The following TSHZ2 variants were observed in gnomAD, a reference collection of about 807,000 sequenced individuals.
The protein encoded by TSHZ2 is teashirt zinc finger homeobox 2, also known as teashirt homolog 2.
In TSHZ2, 21 loss-of-function variants were observed where a neutral mutation model predicts 74.4. The observed-to-expected ratio is 0.28, with a 90% CI of 0.20 to 0.41. TSHZ2 has a LOEUF of 0.41. TSHZ2 is among the 10% of genes least tolerant of loss of function. The pLI, the probability that TSHZ2 is intolerant of heterozygous loss-of-function variation, is 1.00. For missense variants in TSHZ2, 1,244 were observed against 1,293.5 expected, an observed-to-expected ratio of 0.96 and a Z score of 0.59; for synonymous variants, 540 against 515.3, an observed-to-expected ratio of 1.05 and a Z score of -0.65.
At chr20:53,369,764 A>T (rs1981401666) in intron 2 of TSHZ2, among the ~76,000 whole-genome samples, 1 of 152,122 alleles carries the variant, frequency 6.6e-6, no homozygotes. Flanking sequence ...TTCAAATATG[A>T]CAAGGAGGCC....
chr20:53,120,848 A>G (rs1033593401), intron 1 of TSHZ2, among the ~76,000 whole-genome samples: 1 of 152,252 alleles, frequency 6.6e-6, no homozygotes, highest in South Asian at 2.1e-4. Flanking sequence ...TAAGTGAAAT[A>G]GATACTTTTC....
intron 1 of TSHZ2, among the ~76,000 whole-genome samples, chr20:53,076,044 C>T (rs1292771284): frequency 6.6e-6 from 1 of 152,174 alleles, no homozygotes; most frequent in Non-Finnish European, 1.5e-5. Flanking sequence ...CCTTTCGACT[C>T]TGAGACCCTA....
At chr20:53,009,943 C>T (rs993104486) in intron 1 of TSHZ2, among the ~76,000 whole-genome samples, 3 of 152,230 alleles carry the variant, frequency 2.0e-5, no homozygotes, top group South Asian at 2.1e-4. Context: ...AATATGGCTT[C>T]GTGGCATCTT....
chr20:53,291,200 G>T (rs887033077), intron 2 of TSHZ2, among the ~76,000 whole-genome samples: 1 of 152,114 alleles, frequency 6.6e-6, no homozygotes, highest in Admixed American at 6.6e-5. Context: ...GGCTGGGAGC[G>T]GTGGCTCACG....
At chr20:52,998,688 C>G (rs141869332) in intron 1 of TSHZ2, among the ~76,000 whole-genome samples, 5 of 152,336 alleles carry the variant, frequency 3.3e-5, no homozygotes, top group African/African-American at 1.2e-4. Context: ...ATCGCCTCTG[C>G]ACACAGTTCC....
chr20:53,346,732 G>A (rs535579071), intron 2 of TSHZ2, among the ~76,000 whole-genome samples: 19 of 152,292 alleles, frequency 1.2e-4, no homozygotes, highest in South Asian at 6.2e-4. Context: ...ACAGAGAAAC[G>A]TCGCAACTGC....
intron 1 of TSHZ2, among the ~76,000 whole-genome samples, chr20:53,222,185 C>T (rs1989579427): frequency 1.3e-5 from 2 of 152,182 alleles, no homozygotes; most frequent in Admixed American, 1.3e-4. Flanking sequence ...GCAGTCCACT[C>T]TACCCCTCCT....
At chr20:53,394,780 ACTGTTCTTC>A (rs1982384259) in intron 2 of TSHZ2, among the ~76,000 whole-genome samples, 13 of 142,748 alleles carry the variant, frequency 9.1e-5, no homozygotes, top group African/African-American at 3.4e-4. Flanking sequence ...AAAAAAAAAA[ACTGTTCTTC>A]AATTGCCTTT....
intron 2 of TSHZ2, among the ~76,000 whole-genome samples, chr20:53,268,485 A>G (rs948631335): frequency 1.3e-5 from 2 of 152,158 alleles, no homozygotes; most frequent in Non-Finnish European, 2.9e-5. Context: ...TGACTTAGAA[A>G]CAGGATTTGA....
chr20:53,020,115 T>C (rs1983186052), intron 1 of TSHZ2, among the ~76,000 whole-genome samples: 1 of 152,046 alleles, frequency 6.6e-6, no homozygotes, highest in South Asian at 2.1e-4. Context: ...GAGAACAGCA[T>C]GGGGGAAACC....
intron 1 of TSHZ2, among the ~76,000 whole-genome samples, chr20:53,114,295 G>T (rs1986611530): frequency 6.6e-6 from 1 of 152,108 alleles, no homozygotes; most frequent in African/African-American, 2.4e-5. Context: ...AATCTCAGAT[G>T]AGTGCTCAGA....
At chr20:53,300,019 C>G (rs1412790765) in intron 2 of TSHZ2, among the ~76,000 whole-genome samples, 1 of 152,188 alleles carries the variant, frequency 6.6e-6, no homozygotes, top group Non-Finnish European at 1.5e-5. Flanking sequence ...CTGCCAGGGA[C>G]TTATTGCTGT....
At chr20:53,045,441 A>T (rs554882767) in intron 1 of TSHZ2, among the ~76,000 whole-genome samples, 1 of 152,336 alleles carries the variant, frequency 6.6e-6, no homozygotes, top group East Asian at 1.9e-4. Context: ...GAATTCCTGG[A>T]TCCTTTTGAG....
chr20:53,153,817 G>T lies in TSHZ2; in HGVS notation c.41-99682G>T, dbSNP rs182988357. ...ACTTATTTAGTCCGTGGTCCTGCAG[G>T]TCAATAATTTTGGCTAGACTCAGCT... On this transcript the variant is annotated intron_variant, in intron 1 of 2. Coordinates refer to ENST00000371497, the MANE Select transcript of TSHZ2 (RefSeq NM_173485.6). 7.9e-5 allele frequency among the ~76,000 whole-genome samples: 12 copies of T among 151,158 alleles called. No individual in the cohort carries two copies. In the East Asian group the frequency reaches 2.1e-3, roughly 27 times the overall value.
At chr20:53,286,972 G>A (rs1037444833) in intron 2 of TSHZ2, among the ~76,000 whole-genome samples, 1 of 151,676 alleles carries the variant, frequency 6.6e-6, no homozygotes, top group Non-Finnish European at 1.5e-5. Context: ...AAGGATGCCA[G>A]ACCAGGACAC....
Position 53,334,417 on chromosome 20 carries a change from C to G in TSHZ2, c.*8+77846C>G, listed in dbSNP as rs114045786. Among the ~76,000 whole-genome samples the G allele has an allele frequency of 3.7e-3, 561 of 152,148 alleles. 4 individuals are homozygous for G. Among genetic ancestry groups the G allele is most frequent in the African/African-American group, 0.013 (532 of 41,502 alleles). On this transcript the variant is annotated intron_variant, in intron 2 of 2. Coordinates refer to ENST00000371497, the MANE Select transcript of TSHZ2 (RefSeq NM_173485.6). The stretch of plus-strand genomic sequence containing the variant: ...TCTAAGTGGGGGAACAGCAAGTGCA[C>G]AGGCCCTGAGGTGGGAGCATGCCTG...
intron 1 of TSHZ2, among the ~76,000 whole-genome samples, chr20:53,245,634 A>T (rs566597296): frequency 6.6e-6 from 1 of 152,332 alleles, no homozygotes; most frequent in East Asian, 1.9e-4. Flanking sequence ...ACCTTGTTAA[A>T]TGATTTCTAT....
At chr20:53,279,137 A>G (rs1417945119) in intron 2 of TSHZ2, among the ~76,000 whole-genome samples, 7 of 152,228 alleles carry the variant, frequency 4.6e-5, no homozygotes, top group Non-Finnish European at 7.3e-5. Flanking sequence ...TCATCTTCAC[A>G]TTGAGTAGGC....
chr20:53,299,981 A>T (rs1991450609), intron 2 of TSHZ2, among the ~76,000 whole-genome samples: 1 of 152,220 alleles, frequency 6.6e-6, no homozygotes, highest in Non-Finnish European at 1.5e-5. Flanking sequence ...TATCTTATTT[A>T]CTTCCCTCGT....
Sources: gnomAD v4.1 joint callset for allele counts (sites outside exome capture counted in the v4.1 genomes callset) on GRCh38, gnomAD v4.1.1 for gene constraint, MANE v1.5 for transcripts, NCBI Gene and HGNC (gene_info 2026-07-23, HGNC 2026-07-21) for gene names.